Variants in ELMO1 observed in about 807,000 individuals in gnomAD.
ELMO1 encodes the protein engulfment and cell motility 1.
Under a neutral mutation model 98.9 loss-of-function variants are expected in ELMO1, and 26 were observed. The observed-to-expected ratio is 0.26, with a 90% CI of 0.19 to 0.36. The LOEUF is 0.36. ELMO1 is among the 10% of genes least tolerant of loss of function. ELMO1 has a pLI of 1.00. For synonymous variants in ELMO1, 346 were observed against 346.0 expected (o/e 1.00, Z 0.00); for missense variants, 627 against 935.2 (o/e 0.67, Z 4.30).
intron 5 of ELMO1, among the ~76,000 whole-genome samples, chr7:37,268,179 C>G (rs1194658170): frequency 6.6e-6 from 1 of 152,188 alleles, no homozygotes; most frequent in Non-Finnish European, 1.5e-5. Flanking sequence ...ATGCCCACAG[C>G]TATTATGATC....
In ELMO1 at chr7:37,128,993, C is replaced by A. The variant is rs75995995; in HGVS notation, c.1191+4137G>T. On this transcript the variant is annotated intron_variant, in intron 14 of 21. Transcript: ENST00000310758. ...TCCGGGTAGAGGGTCAGGAAGTCTT[C>A]TTCAGACAGAACATGGCCTTTGCCA... 1.6e-3 allele frequency among the ~76,000 whole-genome samples: 242 copies of A among 152,158 alleles called. 1 individual carries two copies. The highest frequency in any genetic ancestry group is 5.6e-3 in the African/African-American group (231 of 41,524).
intron 14 of ELMO1, among the ~76,000 whole-genome samples, chr7:37,103,584 G>A (rs913105978): frequency 1.3e-5 from 2 of 151,794 alleles, no homozygotes; most frequent in Non-Finnish European, 2.9e-5. Context: ...AATGTTAAAT[G>A]ACGAGTTAAT....
chr7:37,366,678 T>C (rs571584404), intron 1 of ELMO1, among the ~76,000 whole-genome samples: 2 of 152,228 alleles, frequency 1.3e-5, no homozygotes, highest in African/African-American at 4.8e-5. Flanking sequence ...CAATGCTGGC[T>C]TATTCCTCTG....
chr7:37,106,169 G>C (rs1327762991), intron 14 of ELMO1, among the ~76,000 whole-genome samples: 1 of 152,186 alleles, frequency 6.6e-6, no homozygotes, highest in Non-Finnish European at 1.5e-5. Context: ...CCATGCCTTA[G>C]AGCTTAAACA....
chr7:37,291,585 A>T (rs1562586846), intron 4 of ELMO1, among the ~76,000 whole-genome samples: 4 of 152,174 alleles, frequency 2.6e-5, no homozygotes, highest in Admixed American at 2.6e-4. Flanking sequence ...AACACAGAAA[A>T]ATATGCTCAG....
At chr7:37,293,321 T>G (rs1797850776) in intron 4 of ELMO1, among the ~76,000 whole-genome samples, 1 of 122,090 alleles carries the variant, frequency 8.2e-6, no homozygotes. Context: ...GTGGTTGCCG[T>G]GTCTGTGTAG....
chr7:37,074,407 A>G (rs1304150547), intron 15 of ELMO1, among the ~76,000 whole-genome samples: 1 of 152,176 alleles, frequency 6.6e-6, no homozygotes, highest in Middle Eastern at 3.2e-3. Context: ...TAAACAAATA[A>G]GAAATAACTC....
intron 11 of ELMO1, among the ~76,000 whole-genome samples, chr7:37,215,354 T>C (rs908941814): frequency 2.0e-5 from 3 of 152,150 alleles, no homozygotes; most frequent in African/African-American, 7.2e-5. Flanking sequence ...GGAGGGGGGA[T>C]AGTGTGTGTG....
At chr7:37,201,689 G>C (rs1212802285) in intron 13 of ELMO1, among the ~76,000 whole-genome samples, 1 of 152,230 alleles carries the variant, frequency 6.6e-6, no homozygotes, top group African/African-American at 2.4e-5. Context: ...GGGTTGCAAC[G>C]TAACAGAATG....
chr7:36,857,616 A>G (rs1204090155), intron 21 of ELMO1, among the ~76,000 whole-genome samples: 2 of 152,242 alleles, frequency 1.3e-5, no homozygotes, highest in African/African-American at 4.8e-5. Context: ...AAGTACATCG[A>G]CCAATAAATA....
chr7:37,279,736 G>A (rs910659888), intron 4 of ELMO1, among the ~76,000 whole-genome samples: 7 of 152,210 alleles, frequency 4.6e-5, no homozygotes, highest in Non-Finnish European at 1.0e-4. Flanking sequence ...GGGATCCAAC[G>A]GGAGGGTGGC....
intron 4 of ELMO1, among the ~76,000 whole-genome samples, chr7:37,285,457 G>C (rs888907065): frequency 6.6e-6 from 1 of 152,174 alleles, no homozygotes; most frequent in African/African-American, 2.4e-5. Flanking sequence ...GCAAATTATG[G>C]TAAGGCAGGC....
intron 14 of ELMO1, among the ~76,000 whole-genome samples, chr7:37,101,367 C>G (rs1784632031): frequency 1.3e-5 from 2 of 152,188 alleles, no homozygotes; most frequent in African/African-American, 4.8e-5. Context: ...AAACGCCACA[C>G]TTTGAGACAA....
At chr7:36,974,158 T>C (rs968245032) in intron 16 of ELMO1, among the ~76,000 whole-genome samples, 2 of 152,256 alleles carry the variant, frequency 1.3e-5, no homozygotes, top group Admixed American at 6.5e-5. Context: ...CAGCTCCACC[T>C]GCAGCCCCGG....
At chr7:37,070,155 C>T (rs2129223729) in intron 15 of ELMO1, among the ~76,000 whole-genome samples, 1 of 152,282 alleles carries the variant, frequency 6.6e-6, no homozygotes, top group Non-Finnish European at 1.5e-5. Flanking sequence ...AAGGAGATAG[C>T]AATCAAAGGA....
At chr7:37,250,861 G>A (rs1364030716) in intron 6 of ELMO1, among the ~76,000 whole-genome samples, 3 of 150,890 alleles carry the variant, frequency 2.0e-5, no homozygotes, top group Non-Finnish European at 4.4e-5. Context: ...ACTTTTGTTC[G>A]CAGTTGACTT....
intron 1 of ELMO1, among the ~76,000 whole-genome samples, chr7:37,359,248 C>A (rs1187168231): frequency 2.0e-5 from 3 of 152,196 alleles, no homozygotes. Flanking sequence ...AATGCACAGC[C>A]ATTTTCTCCT....
intron 14 of ELMO1, among the ~76,000 whole-genome samples, chr7:37,102,938 C>T (rs1330439832): frequency 6.6e-6 from 1 of 152,200 alleles, no homozygotes; most frequent in Admixed American, 6.5e-5. Flanking sequence ...TGGCTCTGGA[C>T]AGAAACAAAC....
intron 1 of ELMO1, among the ~76,000 whole-genome samples, chr7:37,419,052 C>G (rs925071875): frequency 1.3e-5 from 2 of 152,066 alleles, no homozygotes; most frequent in Non-Finnish European, 2.9e-5. Context: ...AGGACTGAGC[C>G]CGCAGAGGAG....
Sources: allele counts gnomAD v4.1 joint callset (sites outside exome capture counted in the v4.1 genomes callset), GRCh38; gene constraint gnomAD v4.1.1; transcripts MANE v1.5; gene names NCBI Gene and HGNC (gene_info 2026-07-23, HGNC 2026-07-21).